The following SBF2 variants were observed in gnomAD, a reference collection of about 807,000 sequenced individuals.
The protein encoded by SBF2 is myotubularin-related protein 13.
Under a neutral mutation model 225.2 loss-of-function variants are expected in SBF2, and 112 were observed. That is an observed-to-expected ratio of 0.50 (90% CI 0.43 to 0.58). The LOEUF is 0.58. SBF2 is among the 20% of genes least tolerant of loss of function. The probability of loss-of-function intolerance (pLI) is 0.00; values close to 1 mark genes in which losing one functional copy is unlikely to be tolerated. For missense variants in SBF2, 1,996 were observed against 2,206.2 expected (o/e 0.90, Z 1.91); for synonymous variants, 763 against 773.3 (o/e 0.99, Z 0.22).
chr11:10,015,592 C>T (rs1948618675), intron 6 of SBF2, among the ~76,000 whole-genome samples: 1 of 152,116 alleles, frequency 6.6e-6, no homozygotes, highest in Admixed American at 6.5e-5. Flanking sequence ...TGGGAGCTTC[C>T]TAAAGGGACT....
At chr11:10,219,189 T>A (rs1958247077) in intron 1 of SBF2, among the ~76,000 whole-genome samples, 1 of 152,188 alleles carries the variant, frequency 6.6e-6, no homozygotes, top group African/African-American at 2.4e-5. Context: ...TTTCCATACA[T>A]CCTCTGAAAT....
intron 6 of SBF2, among the ~76,000 whole-genome samples, chr11:10,018,720 T>C (rs1019723871): frequency 1.3e-5 from 2 of 152,222 alleles, no homozygotes; most frequent in African/African-American, 2.4e-5. Context: ...TGAGCAAGCA[T>C]AGTACACCAG....
intron 2 of SBF2, among the ~76,000 whole-genome samples, chr11:10,051,217 T>C (rs1950050288): frequency 6.6e-6 from 1 of 152,140 alleles, no homozygotes; most frequent in Admixed American, 6.6e-5. Context: ...TTTTAATGTA[T>C]AACATTTAAA....
chr11:9,796,007 G>T (rs755662130), intron 32 of SBF2, 50 bp from the exon 33 acceptor site: 2 of 1,597,966 alleles, frequency 1.3e-6, no homozygotes, highest in Non-Finnish European at 1.7e-6. Flanking sequence ...AGAACAAAAA[G>T]TGGATGCCAG....
At chr11:9,788,601 T>A in intron 35 of SBF2, among the ~76,000 whole-genome samples, 2 of 151,066 alleles carry the variant, frequency 1.3e-5, no homozygotes, top group South Asian at 4.2e-4. Flanking sequence ...TTTTTTTTTT[T>A]TTTTTTTTAC....
chr11:10,146,974 T>C (rs1417141569), intron 2 of SBF2, among the ~76,000 whole-genome samples: 1 of 150,974 alleles, frequency 6.6e-6, no homozygotes, highest in Admixed American at 6.6e-5. Flanking sequence ...TCAATTTCAC[T>C]AATCATTAGG....
At chr11:9,882,506 A>G (rs1590319252) in intron 17 of SBF2, among the ~76,000 whole-genome samples, 1 of 152,274 alleles carries the variant, frequency 6.6e-6, no homozygotes, top group African/African-American at 2.4e-5. Context: ...CTTCTGATAC[A>G]GTGCTTAAAC....
intron 1 of SBF2, among the ~76,000 whole-genome samples, chr11:10,225,476 C>T (rs1407150691): frequency 6.6e-6 from 1 of 151,448 alleles, no homozygotes; most frequent in Non-Finnish European, 1.5e-5. Context: ...CATCTAAATC[C>T]TAGACAAGGG....
At chr11:9,806,084 G>A (rs926098669) in intron 32 of SBF2, among the ~76,000 whole-genome samples, 1 of 152,218 alleles carries the variant, frequency 6.6e-6, no homozygotes, top group African/African-American at 2.4e-5. Context: ...AGACTAGTAT[G>A]ACATAGTCCC....
intron 1 of SBF2, among the ~76,000 whole-genome samples, chr11:10,195,222 C>T (rs1957314530): frequency 6.6e-6 from 1 of 152,056 alleles, no homozygotes; most frequent in East Asian, 1.9e-4. Flanking sequence ...CCAGTAGCAC[C>T]CTCTACCACC....
At chr11:10,027,701 A>T (rs1288341758) in intron 6 of SBF2, among the ~76,000 whole-genome samples, 1 of 152,166 alleles carries the variant, frequency 6.6e-6, no homozygotes, top group African/African-American at 2.4e-5. Flanking sequence ...CTCATTTTTA[A>T]GTTATATATT....
chr11:9,856,443 T>C lies in SBF2; in HGVS notation c.2363+15A>G. 6.2e-7 allele frequency: 1 copy of C among 1,613,324 alleles called. No homozygotes were observed. The highest frequency in any genetic ancestry group is 8.5e-7 in the Non-Finnish European group (1 of 1,179,996). On this transcript the variant is annotated intron_variant, in intron 19 of 39. Transcript: ENST00000256190. Reference sequence around the variant, plus strand: ...GAAGAGTAGGAGGAGGGTCTGTGTGTTCACATTTTGGTACCTGTTTGTGAC... The same window carrying C: ...GAAGAGTAGGAGGAGGGTCTGTGTGCTCACATTTTGGTACCTGTTTGTGAC...
chr11:9,906,998 T>C (rs911854837), intron 16 of SBF2, among the ~76,000 whole-genome samples: 1 of 152,178 alleles, frequency 6.6e-6, no homozygotes, highest in Non-Finnish European at 1.5e-5. Flanking sequence ...TATTTAAACA[T>C]TAAAGAAAAA....
intron 2 of SBF2, among the ~76,000 whole-genome samples, chr11:10,177,417 C>G (rs1362549237): frequency 1.3e-5 from 2 of 148,658 alleles, no homozygotes; most frequent in African/African-American, 5.0e-5. Flanking sequence ...TGTTTGCAGA[C>G]GACATGATTG....
At chr11:10,054,817 T>G (rs1342875177) in intron 2 of SBF2, among the ~76,000 whole-genome samples, 1 of 151,832 alleles carries the variant, frequency 6.6e-6, no homozygotes, top group African/African-American at 2.4e-5. Flanking sequence ...TCAACATCAC[T>G]AATCATTAGG....
intron 16 of SBF2, among the ~76,000 whole-genome samples, chr11:9,932,435 G>A (rs866777895): frequency 1.7e-4 from 26 of 152,204 alleles, no homozygotes; most frequent in East Asian, 5.8e-4. Flanking sequence ...TGGATCTCTC[G>A]GCAGAAACCC....
In SBF2 at chr11:9,858,291, C is replaced by T. The variant is rs7102464; in HGVS notation, c.2035G>A (p.Glu679Lys). 0.1 allele frequency: 163,911 copies of T among 1,613,964 alleles called. 10,111 individuals are homozygous for T. The highest frequency in any genetic ancestry group is 0.12 in the Non-Finnish European group (139,474 of 1,179,874). Residue 679 changes from glutamate to lysine, a missense_variant, in exon 18 of 40, where the codon GAA (glutamate) becomes AAA (lysine). Physicochemically the swap from Glu to Lys is moderately conservative, Grantham distance 56. Transcript: ENST00000256190. ...GAGAGATAAAGGGAGCGAACCTGTT[C>T]CTGCACTGCATTGTAAAAGGTTGTC... Reference protein sequence around the residue: ...WETTFYNAVQEQVRSLYLSAK... With the variant: ...WETTFYNAVQKQVRSLYLSAK...
chr11:10,176,747 A>C (rs181030875), intron 2 of SBF2, among the ~76,000 whole-genome samples: 1 of 152,198 alleles, frequency 6.6e-6, no homozygotes, highest in African/African-American at 2.4e-5. Flanking sequence ...TTCACAGCCG[A>C]ATTGTACCAG....
At chr11:9,996,494 A>C (rs1047438382) in intron 9 of SBF2, among the ~76,000 whole-genome samples, 2 of 152,070 alleles carry the variant, frequency 1.3e-5, no homozygotes, top group African/African-American at 4.8e-5. Flanking sequence ...GGTTCATGCT[A>C]TTCTCCTGCC....
Sources: gnomAD v4.1 joint callset for allele counts (sites outside exome capture counted in the v4.1 genomes callset) on GRCh38, gnomAD v4.1.1 for gene constraint, MANE v1.5 for transcripts, NCBI Gene and HGNC (gene_info 2026-07-23, HGNC 2026-07-21) for gene names.